Variants in ODAD3 observed in about 807,000 individuals in gnomAD.
ODAD3 encodes the protein outer dynein arm docking complex subunit 3, also known as outer dynein arm-docking complex subunit 3.
Under a neutral mutation model 70.9 loss-of-function variants are expected in ODAD3, and 57 were observed. The ratio of observed to expected loss-of-function variants is 0.80; its 90% CI spans 0.65 to 1.00. The LOEUF is 1.00. Among genes scored for constraint, ODAD3 ranks in the 50% least tolerant of loss-of-function variants. The pLI is 0.00. For missense variants in ODAD3, 797 were observed against 763.9 expected, an observed-to-expected ratio of 1.04 and a Z score of -0.51; for synonymous variants, 327 against 315.9, an observed-to-expected ratio of 1.04 and a Z score of -0.37.
chr19:11,425,072 T>C (rs969473620), intron 7 of ODAD3, among the ~76,000 whole-genome samples: 6,762 of 108,368 alleles, frequency 0.062, 507 homozygotes, highest in Non-Finnish European at 0.078. Context: ...TGTATATATG[T>C]ATATGTGTAT....
chr19:11,420,764 G>C lies in ODAD3; in HGVS notation c.*71C>G, dbSNP rs1425812852. ...CGCGTTCAGCCCCTGAAGGGGCCCC[G>C]TGGGGCCTGCGCTAGACCCGGAGGG... On this transcript the variant is annotated 3_prime_UTR_variant, in exon 13 of 13. Coordinates refer to ENST00000356392, the MANE Select transcript of ODAD3 (RefSeq NM_145045.5). The C allele has an allele frequency of 7.1e-7, 1 of 1,413,560 alleles. No homozygotes were observed. Among genetic ancestry groups the C allele is most frequent in the Non-Finnish European group, 1.0e-6 (1 of 1,003,404 alleles). 87.6% of individuals were successfully genotyped at this position (1,413,560 alleles called of 1,614,324 possible). A position where few individuals can be genotyped will look rare whatever the true frequency, so the allele number is the denominator to read the frequency against.
rs1436786141 is a variant in ODAD3 at position 11,430,975 on chromosome 19, T to C, written c.290A>G (p.Lys97Arg). Residue 97 changes from lysine to arginine, a missense_variant, in exon 2 of 13, where the codon AAG becomes AGG. Coordinates refer to ENST00000356392, the MANE Select transcript of ODAD3 (RefSeq NM_145045.5). ...CTGACTGATGGTCTCCTGGTTCTTC[T>C]TGATGTTCCACTGAGAGCTCTCAAA... ...AFFESSQWNI[K>R]KNQETISQLR... 13 of 1,614,122 alleles carry C rather than the reference T, an allele frequency of 8.1e-6. No individual in the cohort carries two copies. The highest frequency in any genetic ancestry group is 3.3e-5 in the Admixed American group (2 of 60,000).
intron 7 of ODAD3, among the ~76,000 whole-genome samples, chr19:11,425,307 G>GTACCTATGTGTATATA (rs1969302236): frequency 9.0e-6 from 1 of 111,062 alleles, no homozygotes; most frequent in South Asian, 2.5e-4. Context: ...ATATGTGTAT[G>GTACCTATGTGTATATA]TGTACATATG....
chr19:11,426,086 G>A, intron 7 of ODAD3, 58 bp downstream of exon 7: 1 of 1,575,104 alleles, frequency 6.3e-7, no homozygotes, highest in East Asian at 2.3e-5. Flanking sequence ...GCCAGGGCAT[G>A]GCTGGTTTGT....
chr19:11,435,686 T>C (rs1310950758), upstream of ODAD3: 6 of 1,307,860 alleles, frequency 4.6e-6, 1 homozygote, highest in Admixed American at 4.5e-5. Flanking sequence ...CGGTGGATAC[T>C]GACCTTTGCT....
upstream of ODAD3, chr19:11,435,523 TC>T (rs1330098321): frequency 4.3e-6 from 2 of 464,726 alleles, no homozygotes; most frequent in Admixed American, 2.8e-5. Context: ...GATGGCCGTC[TC>T]GGCTCTGGCA....
chr19:11,426,824 C>T, intron 4 of ODAD3, 40 bp from the exon 5 acceptor site: 1 of 1,613,150 alleles, frequency 6.2e-7, no homozygotes, highest in Non-Finnish European at 8.5e-7. Context: ...CCTCCGCACT[C>T]AATCCCTCCC....
chr19:11,425,599 ATATG>A lies in ODAD3; in HGVS notation c.963+541_963+544del, dbSNP rs1246670882. ...TGTATATATGTATGTATATGTGTAT[ATATG>A]TGTGTGTATATATGCATATATGCAT... is the stretch of plus-strand genomic sequence containing the variant. On this transcript the variant is annotated intron_variant, in intron 7 of 12. Coordinates refer to ENST00000356392, the MANE Select transcript of ODAD3 (RefSeq NM_145045.5). 1.2e-4 allele frequency among the ~76,000 whole-genome samples: 17 copies of A among 138,150 alleles called. 2 individuals are homozygous for A. Among genetic ancestry groups the A allele is most frequent in the African/African-American group, 4.3e-4 (14 of 32,450 alleles). 90.6% of individuals were successfully genotyped at this position (138,150 alleles called of 152,430 possible).
rs531115348 is a variant in ODAD3, at chr19:11,421,648, T to C, written c.1590+29A>G. 9 of 1,601,414 alleles carry C rather than the reference T, an allele frequency of 5.6e-6. No homozygotes were observed. In the African/African-American group the frequency reaches 8.0e-5, roughly 14 times the overall value. The stretch of plus-strand genomic sequence containing the variant: ...CGACCCAGCCCTACTCCTAGATCTC[T>C]GGAGCTCTGCCCCATGGCTGCAGGG... On this transcript the variant is annotated intron_variant, in intron 11 of 12. Transcript: ENST00000356392.
chr19:11,435,614 G>C, upstream of ODAD3: 3 of 1,109,672 alleles, frequency 2.7e-6, no homozygotes, highest in Non-Finnish European at 3.6e-6. Context: ...GGAAGTGACG[G>C]GGTCCAGAAA....
At position 11,423,681 on chromosome 19, in the gene ODAD3, G is replaced by A. The variant is rs1008446842; in HGVS notation, c.1116+196C>T. On this transcript the variant is annotated intron_variant, in intron 8 of 12. Transcript: ENST00000356392. ...AGACAGCTCCTAGGGGTTTTGCTGC[G>A]AAGGGCAGCAGAAAAACTGAACGGT... Among the ~76,000 whole-genome samples, 14 of 152,194 alleles carry A rather than the reference G, an allele frequency of 9.2e-5. No homozygotes were observed. In the South Asian group the frequency reaches 1.2e-3, roughly 14 times the overall value.
rs1969456243 is a variant in ODAD3, at chr19:11,429,378, A to AC, written c.444+1320_444+1321insG. Among the ~76,000 whole-genome samples, 7 of 151,280 alleles carry AC rather than the reference A, an allele frequency of 4.6e-5. No individual in the cohort carries two copies. The South Asian group carries it at 1.5e-3, about 32-fold the overall frequency. ...AGGCGCCCACCACCATGCCTGGCTA[A>AC]TTTTTTGTATTTTTATTTTTATTTT... On this transcript the variant is annotated intron_variant, in intron 3 of 12. Coordinates refer to ENST00000356392, the MANE Select transcript of ODAD3 (RefSeq NM_145045.5).
intron 7 of ODAD3, among the ~76,000 whole-genome samples, chr19:11,425,536 T>C (rs1389142508): frequency 7.2e-6 from 1 of 138,732 alleles, no homozygotes; most frequent in African/African-American, 3.0e-5. Context: ...TGTATATATG[T>C]GTGTATGTAT....
At chr19:11,425,303 GTA>G (rs1318795330) in intron 7 of ODAD3, among the ~76,000 whole-genome samples, 10 of 122,632 alleles carry the variant, frequency 8.2e-5, no homozygotes, top group East Asian at 2.7e-4. Flanking sequence ...GTATATATGT[GTA>G]TGTGTACATA....
chr19:11,425,189 A>ACATATGTGTATGTG (rs1969284183), intron 7 of ODAD3, among the ~76,000 whole-genome samples: 1 of 110,936 alleles, frequency 9.0e-6, no homozygotes, highest in Non-Finnish European at 1.7e-5. Flanking sequence ...ATGTGTATAT[A>ACATATGTGTATGTG]TACATATGTG....
In ODAD3 at chr19:11,422,094, G is replaced by C. The variant is rs1304907652; in HGVS notation, c.1435-262C>G. Among the ~76,000 whole-genome samples, 1 of 152,208 alleles carries C rather than the reference G, an allele frequency of 6.6e-6. No individual in the cohort carries two copies. Among genetic ancestry groups the C allele is most frequent in the African/African-American group, 2.4e-5 (1 of 41,460 alleles). ...ATTCGAGGGAGGCCATTGTGGGATGGCCTCCTGAAGAAATGGCCCTCTGCT... is the reference window on the plus strand; with the variant it reads ...ATTCGAGGGAGGCCATTGTGGGATGCCCTCCTGAAGAAATGGCCCTCTGCT... On this transcript the variant is annotated intron_variant, in intron 10 of 12. Coordinates refer to ENST00000356392, the MANE Select transcript of ODAD3 (RefSeq NM_145045.5). This position sits in a 1 kb window ranked among gnomAD's most constrained non-coding sequence, Gnocchi z 4.6.
chr19:11,431,020 T>G lies in ODAD3; in HGVS notation c.245A>C (p.Glu82Ala), dbSNP rs1318880960. Reference sequence around the variant, plus strand: ...CTCAAAAAAAGCCTTCCGGTCACCCTCTGGCAGGCAGGTGAGGTGGACAGA... The same window carrying G: ...CTCAAAAAAAGCCTTCCGGTCACCCGCTGGCAGGCAGGTGAGGTGGACAGA... ...AELHKKIQLL[E>A]GDRKAFFESS... Residue 82 changes from glutamate to alanine, a missense_variant and splice_region_variant, in exon 2 of 13, where the codon GAG becomes GCG. Transcript: ENST00000356392. The G allele has an allele frequency of 6.2e-7, 1 of 1,614,072 alleles. No homozygotes were observed. The highest frequency in any genetic ancestry group is 8.5e-7 in the Non-Finnish European group (1 of 1,180,018).
intron 1 of ODAD3, among the ~76,000 whole-genome samples, chr19:11,432,546 T>C (rs2144783716): frequency 6.6e-6 from 1 of 151,596 alleles, no homozygotes; most frequent in East Asian, 2.0e-4. Flanking sequence ...GTGCCCGGCC[T>C]GCCCATCTCA....
In ODAD3 at chr19:11,422,387, C is replaced by T; in HGVS notation, c.1434+84G>A. ...GGCAGGCCACGTTCCCTCGGGCAAG[C>T]TGGTGTGGCAGGAACCCCGCTTCGT... On this transcript the variant is annotated intron_variant, in intron 10 of 12. Coordinates refer to ENST00000356392, the MANE Select transcript of ODAD3 (RefSeq NM_145045.5). The surrounding 1 kb of genome is among the most constrained non-coding windows in gnomAD (Gnocchi z 4.6). 14 of 1,435,852 alleles carry T rather than the reference C, an allele frequency of 9.8e-6. No homozygotes were observed. The highest frequency in any genetic ancestry group is 1.2e-5 in the Non-Finnish European group (13 of 1,085,796). 88.9% of individuals were successfully genotyped at this position (1,435,852 alleles called of 1,614,324 possible). A position where few individuals can be genotyped will look rare whatever the true frequency, so the allele number is the denominator to read the frequency against.
Sources: gnomAD v4.1 joint callset for allele counts (sites outside exome capture counted in the v4.1 genomes callset) on GRCh38, gnomAD v4.1.1 for gene constraint, Gnocchi (gnomAD v3.1) non-coding constraint, MANE v1.5 for transcripts, NCBI Gene and HGNC (gene_info 2026-07-23, HGNC 2026-07-21) for gene names.